Variants in AUTS2 observed in about 807,000 individuals in gnomAD.
AUTS2 encodes the protein autism susceptibility gene 2 protein.
In AUTS2, 17 loss-of-function variants were observed where a neutral mutation model predicts 112.4. That is an observed-to-expected ratio of 0.15 (90% CI 0.10 to 0.23). The LOEUF is 0.23. Ranked by LOEUF, AUTS2 falls within the 10% of genes least tolerant of loss-of-function variation. AUTS2 has a pLI of 1.00. For missense variants in AUTS2, 1,510 were observed against 1,701.6 expected (o/e 0.89, Z 1.98); for synonymous variants, 751 against 702.7 (o/e 1.07, Z -1.09).
chr7:70,475,765 A>T (rs3113259), intron 5 of AUTS2, among the ~76,000 whole-genome samples: 24 of 151,986 alleles, frequency 1.6e-4, no homozygotes, highest in African/African-American at 4.3e-4. Flanking sequence ...GCGGCCAGGG[A>T]CCATGGCTTC....
intron 4 of AUTS2, among the ~76,000 whole-genome samples, chr7:70,401,460 C>A (rs1306653679): frequency 6.6e-6 from 1 of 152,154 alleles, no homozygotes; most frequent in East Asian, 1.9e-4. Flanking sequence ...CAAGCTGGAG[C>A]TGACCACAGG....
At chr7:70,675,119 C>G (rs1225375396) in intron 5 of AUTS2, among the ~76,000 whole-genome samples, 1 of 152,134 alleles carries the variant, frequency 6.6e-6, no homozygotes, top group African/African-American at 2.4e-5. Context: ...CTCCCTACCT[C>G]CAATCGTAGA....
intron 4 of AUTS2, among the ~76,000 whole-genome samples, chr7:70,148,240 G>A (rs1807240703): frequency 6.6e-6 from 1 of 151,980 alleles, no homozygotes; most frequent in Admixed American, 6.6e-5. Context: ...TAGAGTTTTT[G>A]GATTCTGGGG....
chr7:70,361,523 G>A (rs1792267379), intron 4 of AUTS2, among the ~76,000 whole-genome samples: 1 of 152,144 alleles, frequency 6.6e-6, no homozygotes, highest in Non-Finnish European at 1.5e-5. Context: ...TTGCTGGGCT[G>A]CTTAACTTTT....
chr7:69,854,459 T>G (rs1792629357), intron 1 of AUTS2, among the ~76,000 whole-genome samples: 1 of 152,178 alleles, frequency 6.6e-6, no homozygotes, highest in Non-Finnish European at 1.5e-5. Flanking sequence ...TTTGAATTCT[T>G]AAGCATTTTA....
chr7:69,763,194 C>T (rs1412196036), intron 1 of AUTS2, among the ~76,000 whole-genome samples: 1 of 152,206 alleles, frequency 6.6e-6, no homozygotes, highest in Non-Finnish European at 1.5e-5. Context: ...TTAATTGCCT[C>T]AGCATAGTTG....
At chr7:69,929,666 G>A (rs1162451741) in intron 2 of AUTS2, among the ~76,000 whole-genome samples, 2 of 152,006 alleles carry the variant, frequency 1.3e-5, no homozygotes, top group African/African-American at 2.4e-5. Flanking sequence ...TTTCATCTCC[G>A]ACAGCAGTTT....
At chr7:70,542,551 G>A (rs1187470545) in intron 5 of AUTS2, among the ~76,000 whole-genome samples, 1 of 152,238 alleles carries the variant, frequency 6.6e-6, no homozygotes, top group East Asian at 1.9e-4. Flanking sequence ...TCCAGGCACT[G>A]GCGCAGGCCA....
chr7:70,168,451 G>A (rs1808497088), intron 4 of AUTS2, among the ~76,000 whole-genome samples: 1 of 152,042 alleles, frequency 6.6e-6, no homozygotes, highest in South Asian at 2.1e-4. Context: ...CGAGTAGCTG[G>A]GACTACAGGC....
At chr7:70,621,838 C>CTTTTTTTTTTTTTTTT (rs67123941) in intron 5 of AUTS2, among the ~76,000 whole-genome samples, 1 of 66,816 alleles carries the variant, frequency 1.5e-5, no homozygotes, top group Non-Finnish European at 2.6e-5. Context: ...TAGTCATTCT[C>CTTTTTTTTTTTTTTTT]TTTTTTTTTT....
chr7:70,523,170 G>A (rs1342738580), intron 5 of AUTS2, among the ~76,000 whole-genome samples: 3 of 152,146 alleles, frequency 2.0e-5, no homozygotes, highest in African/African-American at 4.8e-5. Flanking sequence ...AAGCAGCATG[G>A]CATTAAAATA....
intron 6 of AUTS2, among the ~76,000 whole-genome samples, chr7:70,743,945 G>A (rs566321054): frequency 6.6e-6 from 1 of 152,236 alleles, no homozygotes; most frequent in African/African-American, 2.4e-5. Context: ...AAGCAGGAAG[G>A]GGTGGTTAAA....
At chr7:69,772,914 T>G (rs577137859) in intron 1 of AUTS2, among the ~76,000 whole-genome samples, 1 of 152,316 alleles carries the variant, frequency 6.6e-6, no homozygotes, top group East Asian at 1.9e-4. Context: ...TTCCTTGACT[T>G]TATTTATTAC....
intron 4 of AUTS2, among the ~76,000 whole-genome samples, chr7:70,408,965 C>A (rs1794661060): frequency 6.6e-6 from 1 of 152,164 alleles, no homozygotes; most frequent in South Asian, 2.1e-4. Context: ...ATGCTGATAG[C>A]AATTTGAAGC....
chr7:69,636,492 C>CG (rs929995673), intron 1 of AUTS2, among the ~76,000 whole-genome samples: 1 of 101,560 alleles, frequency 9.8e-6, no homozygotes, highest in Non-Finnish European at 2.2e-5. Flanking sequence ...CCCCCCCCCC[C>CG]CTTGGCCTCC....
intron 2 of AUTS2, among the ~76,000 whole-genome samples, chr7:70,011,378 T>C (rs6949383): frequency 5.5e-5 from 8 of 145,764 alleles, no homozygotes; most frequent in African/African-American, 2.0e-4. Context: ...CATTTTTCCC[T>C]TTTCTACTCT....
At chr7:69,996,638 C>G (rs540394931) in intron 2 of AUTS2, among the ~76,000 whole-genome samples, 1 of 152,238 alleles carries the variant, frequency 6.6e-6, no homozygotes, top group African/African-American at 2.4e-5. Context: ...CCACCCGCTT[C>G]CCTTTCCTTC....
intron 5 of AUTS2, among the ~76,000 whole-genome samples, chr7:70,686,696 T>C (rs7794726): frequency 0.29 from 43,547 of 150,510 alleles, 6,783 homozygotes; most frequent in Non-Finnish European, 0.32. Context: ...CTATGCCCGG[T>C]TAATTTTTGT....
chr7:70,391,310 T>C (rs1238302490), intron 4 of AUTS2, among the ~76,000 whole-genome samples: 1 of 152,252 alleles, frequency 6.6e-6, no homozygotes, highest in Non-Finnish European at 1.5e-5. Flanking sequence ...AGGCCATTTC[T>C]TTGTGCCCAG....
Sources: gnomAD v4.1 joint callset for allele counts (sites outside exome capture counted in the v4.1 genomes callset) on GRCh38, gnomAD v4.1.1 for gene constraint, MANE v1.5 for transcripts, NCBI Gene and HGNC (gene_info 2026-07-23, HGNC 2026-07-21) for gene names.